MYH14: variants seen among roughly 807,000 people sequenced by gnomAD.
MYH14 encodes myosin-14.
Under a neutral mutation model 255.5 loss-of-function variants are expected in MYH14, and 123 were observed. The observed-to-expected ratio is 0.48, with a 90% CI of 0.42 to 0.56. MYH14 has a LOEUF of 0.56. MYH14 is among the 20% of genes least tolerant of loss of function. MYH14 has a pLI of 0.00. For missense variants in MYH14, 2,423 were observed against 2,802.3 expected (o/e 0.86, Z 3.06); for synonymous variants, 1,095 against 1,161.2 (o/e 0.94, Z 1.16).
intron 40 of MYH14, among the ~76,000 whole-genome samples, chr19:50,305,521 G>T (rs1017937863): frequency 3.3e-5 from 5 of 152,090 alleles, no homozygotes; most frequent in Non-Finnish European, 7.4e-5. Context: ...CAGTCCACAG[G>T]GTCACCCAGG....
chr19:50,273,163 C>T (rs1398078587), intron 27 of MYH14, among the ~76,000 whole-genome samples: 3 of 151,756 alleles, frequency 2.0e-5, no homozygotes, highest in African/African-American at 2.4e-5. Flanking sequence ...TGGTGGCGGG[C>T]GCCTGTAATC....
intron 8 of MYH14, among the ~76,000 whole-genome samples, chr19:50,229,446 G>A (rs190569726): frequency 4.9e-4 from 74 of 152,196 alleles, no homozygotes; most frequent in African/African-American, 1.5e-3. Flanking sequence ...TCAGGAATTC[G>A]AGGCCAGTCA....
chr19:50,217,857 C>A, intron 3 of MYH14, 86 bp downstream of exon 3: 2 of 1,503,582 alleles, frequency 1.3e-6, no homozygotes, highest in South Asian at 2.5e-5. Flanking sequence ...GAGTCCAGGT[C>A]AAATGACAGC....
At chr19:50,255,634 A>G (rs2034566181) in intron 17 of MYH14, among the ~76,000 whole-genome samples, 1 of 152,178 alleles carries the variant, frequency 6.6e-6, no homozygotes. Flanking sequence ...ACAAATGAGG[A>G]AACTAAAGCA....
At chr19:50,272,516 G>A (rs1174086894) in intron 26 of MYH14, 44 bp from the exon 27 acceptor site, 1 of 1,549,044 alleles carries the variant, frequency 6.5e-7, no homozygotes, top group Non-Finnish European at 8.7e-7. Context: ...GGCTGAGTGT[G>A]CAGGCCTGGA....
intron 1 of MYH14, among the ~76,000 whole-genome samples, chr19:50,209,826 G>A (rs2123152192): frequency 6.7e-6 from 1 of 149,660 alleles, no homozygotes; most frequent in Non-Finnish European, 1.5e-5. Context: ...GGCCGGGTGT[G>A]GTAGCTCATG....
chr19:50,289,771 G>A (rs1445330684), intron 35 of MYH14, 123 bp downstream of exon 35: 4 of 833,820 alleles, frequency 4.8e-6, no homozygotes, highest in Non-Finnish European at 7.5e-6. Flanking sequence ...TCCTCCACCC[G>A]CCGACCACTC....
At chr19:50,213,244 C>T (rs539534208) in intron 2 of MYH14, among the ~76,000 whole-genome samples, 9 of 152,124 alleles carry the variant, frequency 5.9e-5, no homozygotes, top group African/African-American at 9.7e-5. Context: ...CCACTGCATC[C>T]GGCCACTCTT....
intron 3 of MYH14, among the ~76,000 whole-genome samples, chr19:50,218,023 G>A: frequency 6.6e-6 from 1 of 152,130 alleles, no homozygotes; most frequent in East Asian, 2.0e-4. Context: ...TTGAGACGGA[G>A]TCTTGCTCCG....
chr19:50,307,593 A>T (rs1397213622), intron 41 of MYH14, among the ~76,000 whole-genome samples: 3 of 152,202 alleles, frequency 2.0e-5, no homozygotes, highest in Admixed American at 6.5e-5. Context: ...GCTCAAAATT[A>T]TTTAGCTGGT....
Position 50,223,295 on chromosome 19 carries a change from G to A in MYH14, c.639G>A (p.Gln213=). The change falls in exon 5 of 43, where the codon CAG becomes CAA. Residue 213 remains glutamine (Q), a synonymous_variant. Coordinates refer to ENST00000642316, the MANE Select transcript of MYH14 (RefSeq NM_001145809.2). ...CGGAAAACACCAAGAAGGTCATCCA[G>A]TACCTCGCCCACGTGGCGTCGTCTC... ...GKTENTKKVI[Q]YLAHVASSPK... is the part of the protein sequence containing the mutation. 6 of 1,606,542 alleles carry A rather than the reference G, an allele frequency of 3.7e-6. No individual in the cohort carries two copies. Among genetic ancestry groups the A allele is most frequent in the Non-Finnish European group, 5.1e-6 (6 of 1,176,302 alleles).
chr19:50,251,535 C>CATATATATAT (rs2034391273), intron 15 of MYH14, among the ~76,000 whole-genome samples: 8 of 63,208 alleles, frequency 1.3e-4, no homozygotes, highest in African/African-American at 4.8e-4. Context: ...CACACACACA[C>CATATATATAT]ACACACACAC....
At chr19:50,235,814 CA>C (rs2033632746) in intron 10 of MYH14, among the ~76,000 whole-genome samples, 1 of 152,008 alleles carries the variant, frequency 6.6e-6, no homozygotes. Flanking sequence ...ACAAATTACT[CA>C]GCTCATCATT....
At chr19:50,228,387 A>T (rs922003800) in intron 8 of MYH14, among the ~76,000 whole-genome samples, 18 of 152,146 alleles carry the variant, frequency 1.2e-4, no homozygotes, top group African/African-American at 3.9e-4. Flanking sequence ...ACAACTGCTA[A>T]TAAGCCACAT....
At position 50,250,124 on chromosome 19, in the gene MYH14, G is replaced by A. The variant is rs941033935; in HGVS notation, c.1656+301G>A. Reference sequence around the variant, plus strand: ...TTTTGTTTTGTTTTTTTCTTGAGACGGAGTCTCGCTCTATCGCCCAGGCTG... The same window carrying A: ...TTTTGTTTTGTTTTTTTCTTGAGACAGAGTCTCGCTCTATCGCCCAGGCTG... On this transcript the variant is annotated intron_variant, in intron 14 of 42. Coordinates refer to ENST00000642316, the MANE Select transcript of MYH14 (RefSeq NM_001145809.2). This position sits in a 1 kb window ranked among gnomAD's most constrained non-coding sequence, Gnocchi z 5.4. Among the ~76,000 whole-genome samples, 4 of 152,022 alleles carry A rather than the reference G, an allele frequency of 2.6e-5. No homozygotes were observed. Among genetic ancestry groups the A allele is most frequent in the Non-Finnish European group, 4.4e-5 (3 of 68,010 alleles).
At chr19:50,224,039 T>TGCCCCCCCCCCCCC in intron 5 of MYH14, 115 bp from the exon 6 acceptor site, 2 of 415,106 alleles carry the variant, frequency 4.8e-6, no homozygotes, top group Non-Finnish European at 8.6e-6. Context: ...GTTTCCCCAG[T>TGCCCCCCCCCCCCC]CCCCCTTCCC....
intron 32 of MYH14, among the ~76,000 whole-genome samples, chr19:50,281,192 A>G (rs777050027): frequency 1.3e-5 from 2 of 152,190 alleles, no homozygotes; most frequent in Non-Finnish European, 2.9e-5. Context: ...TGCATACTTC[A>G]AGACCCATCT....
At chr19:50,234,429 C>T (rs780320089) in intron 10 of MYH14, among the ~76,000 whole-genome samples, 5 of 152,136 alleles carry the variant, frequency 3.3e-5, no homozygotes, top group African/African-American at 7.2e-5. Flanking sequence ...GTCTCTGGCG[C>T]TGTGGGAGGC....
intron 33 of MYH14, among the ~76,000 whole-genome samples, chr19:50,284,227 C>A (rs2035817432): frequency 6.6e-6 from 1 of 152,058 alleles, no homozygotes; most frequent in Non-Finnish European, 1.5e-5. Context: ...TTTCAAAGAA[C>A]AGAAGTTTTT....
Sources: allele counts gnomAD v4.1 joint callset (sites outside exome capture counted in the v4.1 genomes callset), GRCh38; gene constraint gnomAD v4.1.1; non-coding constraint Gnocchi (gnomAD v3.1); transcripts MANE v1.5; gene names NCBI Gene and HGNC (gene_info 2026-07-23, HGNC 2026-07-21).